ANXA10: variants seen among roughly 807,000 people sequenced by gnomAD.
ANXA10 encodes the protein annexin 14.
In ANXA10, 49 loss-of-function variants were observed where a neutral mutation model predicts 53.5. The observed-to-expected ratio is 0.92, with a 90% CI of 0.73 to 1.16. The LOEUF (loss-of-function observed/expected upper bound fraction) is 1.16, where lower values mean the gene tolerates loss of function less well. Ranked by LOEUF, ANXA10 falls within the 50% of genes most tolerant of loss-of-function variation. The pLI, the probability that ANXA10 is intolerant of heterozygous loss-of-function variation, is 0.00. For synonymous variants in ANXA10, 131 were observed against 128.9 expected (o/e 1.02, Z -0.11); for missense variants, 393 against 394.4 (o/e 1.00, Z 0.03).
chr4:168,155,549 A>T (rs1305329467), intron 3 of ANXA10, among the ~76,000 whole-genome samples: 1 of 22,100 alleles, frequency 4.5e-5, no homozygotes, highest in Admixed American at 7.8e-4. Flanking sequence ...TATATTATAA[A>T]ATATATAATT....
intron 9 of ANXA10, 58 bp downstream of exon 9, chr4:168,179,370 T>C (rs1235799577): frequency 9.2e-6 from 11 of 1,196,584 alleles, no homozygotes; most frequent in Middle Eastern, 2.0e-4. Context: ...AAATGCTGAG[T>C]GGCTCTGATT....
intron 1 of ANXA10, among the ~76,000 whole-genome samples, chr4:168,112,522 A>T (rs17525863): frequency 0.034 from 5,206 of 152,260 alleles, 118 homozygotes; most frequent in South Asian, 0.051. Flanking sequence ...GATTTTTCTT[A>T]ACTTTTTATG....
chr4:168,139,711 C>A (rs1308917327), intron 3 of ANXA10, 131 bp downstream of exon 3: 4 of 569,948 alleles, frequency 7.0e-6, no homozygotes, highest in South Asian at 2.6e-5. Context: ...ATGTCAGATA[C>A]AGTTCATATT....
intron 3 of ANXA10, among the ~76,000 whole-genome samples, chr4:168,153,033 G>A (rs13148779): frequency 0.027 from 4,149 of 151,884 alleles, 79 homozygotes; most frequent in Non-Finnish European, 0.047. Context: ...TTGTGGAGAC[G>A]GGGCTTCGCC....
chr4:168,096,399 T>C (rs1422114214), intron 1 of ANXA10, among the ~76,000 whole-genome samples: 4 of 152,192 alleles, frequency 2.6e-5, no homozygotes, highest in Non-Finnish European at 2.9e-5. Context: ...CATGCTGTTA[T>C]GGCTTCAACT....
chr4:168,176,114 T>A (rs1003174937), intron 6 of ANXA10, among the ~76,000 whole-genome samples: 1 of 152,168 alleles, frequency 6.6e-6, no homozygotes, highest in African/African-American at 2.4e-5. Flanking sequence ...GTGTGGTTAA[T>A]GAACTACCTT....
intron 1 of ANXA10, among the ~76,000 whole-genome samples, chr4:168,113,932 C>T (rs1472301241): frequency 6.6e-6 from 1 of 152,080 alleles, no homozygotes; most frequent in Admixed American, 6.5e-5. Flanking sequence ...TTACCTTTTG[C>T]CTTTCCTTTA....
Position 168,148,346 on chromosome 4 carries a change from T to C in ANXA10, c.195+8766T>C, listed in dbSNP as rs569739369. Among the ~76,000 whole-genome samples, 6 of 152,112 alleles carry C rather than the reference T, an allele frequency of 3.9e-5. No individual in the cohort carries two copies. The East Asian group carries it at 5.8e-4, about 15-fold the overall frequency. On this transcript the variant is annotated intron_variant, in intron 3 of 11. Coordinates refer to ENST00000359299, the MANE Select transcript of ANXA10 (RefSeq NM_007193.5). ...CACGCCCAGCTAATTTTTGTATTTT[T>C]AGTAGAGACGGGGTTTCACCATCTT...
At chr4:168,144,715 G>A (rs1436634743) in intron 3 of ANXA10, among the ~76,000 whole-genome samples, 1 of 152,182 alleles carries the variant, frequency 6.6e-6, no homozygotes, top group Non-Finnish European at 1.5e-5. Context: ...GATCTGGGAT[G>A]ATGAGATTCC....
chr4:168,147,254 A>G (rs1461899102), intron 3 of ANXA10, among the ~76,000 whole-genome samples: 4 of 152,204 alleles, frequency 2.6e-5, no homozygotes, highest in Admixed American at 2.6e-4. Context: ...ATATGGGAAT[A>G]TCAGGCATCA....
chr4:168,187,270 C>T (rs1732388482), intron 11 of ANXA10, 96 bp from the exon 12 acceptor site: 1 of 701,620 alleles, frequency 1.4e-6, no homozygotes, highest in South Asian at 3.0e-5. Flanking sequence ...GGCTAATGGT[C>T]CATGGCTCTT....
rs538812235 is a variant in ANXA10 at position 168,158,334 on chromosome 4, CACAA to C, written c.196-4192_196-4189del. Reference sequence around the variant, plus strand: ...TTAAGAGATTCTTGTATCTTCTGGGCACAAATCTTTTGTCAAATATGTGAAGTGA... The same window carrying C: ...TTAAGAGATTCTTGTATCTTCTGGGCATCTTTTGTCAAATATGTGAAGTGA... On this transcript the variant is annotated intron_variant, in intron 3 of 11. Transcript: ENST00000359299. Among the ~76,000 whole-genome samples, 392 of 152,284 alleles carry C rather than the reference CACAA, an allele frequency of 2.6e-3. 2 individuals are homozygous for C. Among genetic ancestry groups the C allele is most frequent in the Middle Eastern group, 0.01 (3 of 292 alleles).
intron 2 of ANXA10, among the ~76,000 whole-genome samples, chr4:168,135,784 C>T (rs1172622216): frequency 6.6e-6 from 1 of 152,154 alleles, no homozygotes; most frequent in Non-Finnish European, 1.5e-5. Flanking sequence ...TCTATTACTC[C>T]TCCCTCCTTA....
intron 1 of ANXA10, among the ~76,000 whole-genome samples, chr4:168,100,851 TC>T (rs145847053): frequency 0.024 from 3,648 of 152,194 alleles, 58 homozygotes; most frequent in Middle Eastern, 0.037. Flanking sequence ...CCCCCAGCTT[TC>T]CCTAATGTTT....
chr4:168,125,324 G>C (rs138993246), intron 1 of ANXA10, among the ~76,000 whole-genome samples: 20 of 152,220 alleles, frequency 1.3e-4, no homozygotes, highest in African/African-American at 4.8e-4. Flanking sequence ...TAGAGATCTA[G>C]TATCAACTGC....
chr4:168,177,737 C>T lies in ANXA10; in HGVS notation c.481-3C>T. 1 of 1,614,088 alleles carries T rather than the reference C, an allele frequency of 6.2e-7. No homozygotes were observed. The highest frequency in any genetic ancestry group is 2.2e-5 in the East Asian group (1 of 44,872). ...ACATGGAAAACCTGTGCTTACTTTA[C>T]AGGGGACCAGAGAGGAAGGATATAC... On this transcript the variant is annotated splice_region_variant and splice_polypyrimidine_tract_variant and intron_variant, in intron 6 of 11. Coordinates refer to ENST00000359299, the MANE Select transcript of ANXA10 (RefSeq NM_007193.5).
intron 1 of ANXA10, among the ~76,000 whole-genome samples, chr4:168,120,782 A>G (rs28583488): frequency 1.4e-4 from 22 of 152,116 alleles, no homozygotes; most frequent in African/African-American, 5.3e-4. Context: ...CCTGAAAGTG[A>G]CACTTTAAAA....
intron 2 of ANXA10, among the ~76,000 whole-genome samples, chr4:168,138,428 A>G (rs1731274993): frequency 6.6e-6 from 1 of 151,414 alleles, no homozygotes; most frequent in South Asian, 2.1e-4. Context: ...TCCTTTGCCC[A>G]CTTTTTAATG....
chr4:168,170,862 T>A (rs1731971479), intron 6 of ANXA10, among the ~76,000 whole-genome samples: 1 of 152,054 alleles, frequency 6.6e-6, no homozygotes, highest in Non-Finnish European at 1.5e-5. Flanking sequence ...AAAATGGAGG[T>A]ACCAAACTAT....
Sources: allele counts gnomAD v4.1 joint callset (sites outside exome capture counted in the v4.1 genomes callset), GRCh38; gene constraint gnomAD v4.1.1; transcripts MANE v1.5; gene names NCBI Gene and HGNC (gene_info 2026-07-23, HGNC 2026-07-21).